SLC17A6: variants seen among roughly 807,000 people sequenced by gnomAD.
SLC17A6 encodes vesicular glutamate transporter 2.
SLC17A6 carries 35 observed loss-of-function variants against 67.1 expected under a neutral mutation model. The ratio of observed to expected loss-of-function variants is 0.52; its 90% CI spans 0.40 to 0.69. The LOEUF (loss-of-function observed/expected upper bound fraction) is 0.69, where lower values mean the gene tolerates loss of function less well. SLC17A6 is among the 30% of genes least tolerant of loss of function. SLC17A6 has a pLI of 0.00. For missense variants in SLC17A6, 588 were observed against 723.9 expected, an observed-to-expected ratio of 0.81 and a Z score of 2.15; for synonymous variants, 285 against 252.3, an observed-to-expected ratio of 1.13 and a Z score of -1.23.
At chr11:22,358,390 C>T (rs374642049) in intron 3 of SLC17A6, among the ~76,000 whole-genome samples, 1 of 152,168 alleles carries the variant, frequency 6.6e-6, no homozygotes, top group Non-Finnish European at 1.5e-5. Flanking sequence ...TGCAATGGTG[C>T]GATCTTGGTT....
At chr11:22,347,635 T>C (rs1340027935) in intron 3 of SLC17A6, among the ~76,000 whole-genome samples, 1 of 152,224 alleles carries the variant, frequency 6.6e-6, no homozygotes, top group African/African-American at 2.4e-5. Flanking sequence ...TGAGTCATAT[T>C]TCTACCTTTA....
chr11:22,358,475 A>G (rs939866725), intron 3 of SLC17A6, among the ~76,000 whole-genome samples: 5 of 151,990 alleles, frequency 3.3e-5, no homozygotes, highest in Non-Finnish European at 7.4e-5. Context: ...TTACAGGCGC[A>G]CACCACCACA....
intron 4 of SLC17A6, among the ~76,000 whole-genome samples, chr11:22,360,322 A>G (rs1388840812): frequency 6.6e-6 from 1 of 152,028 alleles, no homozygotes; most frequent in Admixed American, 6.6e-5. Flanking sequence ...ACTGCAGCCT[A>G]TTGGGGAAGG....
At chr11:22,365,716 C>A in intron 7 of SLC17A6, 27 bp downstream of exon 7, 1 of 1,599,038 alleles carries the variant, frequency 6.3e-7, no homozygotes, top group Non-Finnish European at 8.5e-7. Context: ...GGTGTATATT[C>A]CTATCTTATT....
chr11:22,343,393 G>A (rs2278750), intron 3 of SLC17A6, 28 bp downstream of exon 3: 7 of 1,571,576 alleles, frequency 4.5e-6, no homozygotes, highest in Non-Finnish European at 6.1e-6. Flanking sequence ...ACTGGGGCTC[G>A]GGGCGTGGTG....
intron 1 of SLC17A6, 75 bp downstream of exon 1, chr11:22,338,694 G>C: frequency 9.3e-7 from 1 of 1,080,278 alleles, no homozygotes; most frequent in Non-Finnish European, 1.4e-6. Context: ...GTAAACCCTG[G>C]TGGCTCAGAA....
chr11:22,369,845 A>AT (rs1455145333), intron 7 of SLC17A6, among the ~76,000 whole-genome samples, 194 bp from the exon 8 acceptor site: 2 of 151,746 alleles, frequency 1.3e-5, no homozygotes, highest in African/African-American at 2.4e-5. Flanking sequence ...TTGAGATCTT[A>AT]TTTTTTTTCT....
At position 22,377,438 on chromosome 11, in the gene SLC17A6, G is replaced by A; in HGVS notation, c.1447G>A (p.Ala483Thr). Residue 483 changes from alanine (A) to threonine (T), a missense_variant, in exon 12 of 12, where the codon GCT (alanine) becomes ACT (threonine). Transcript: ENST00000263160. ...AGAGTGGCAGTATGTCTTCCTGATC[G>A]CTGCCCTAGTCCACTATGGTGGAGT... ...REEWQYVFLI[A>T]ALVHYGGVIF... 2 of 1,611,558 alleles carry A rather than the reference G, an allele frequency of 1.2e-6. No homozygotes were observed. The highest frequency in any genetic ancestry group is 1.7e-6 in the Non-Finnish European group (2 of 1,177,964).
At chr11:22,355,169 G>A (rs959787994) in intron 3 of SLC17A6, among the ~76,000 whole-genome samples, 1 of 152,118 alleles carries the variant, frequency 6.6e-6, no homozygotes, top group African/African-American at 2.4e-5. Flanking sequence ...GTTACATAAG[G>A]TGCTCAAGGT....
At chr11:22,360,624 C>A (rs1242793647) in intron 4 of SLC17A6, among the ~76,000 whole-genome samples, 1 of 148,592 alleles carries the variant, frequency 6.7e-6, no homozygotes, top group Non-Finnish European at 1.5e-5. Context: ...GAAGTGTGAG[C>A]TCCAAGGATC....
intron 1 of SLC17A6, among the ~76,000 whole-genome samples, 193 bp downstream of exon 1, chr11:22,338,812 GGTGTGT>G (rs3047441): frequency 0.033 from 4,462 of 136,278 alleles, 92 homozygotes; most frequent in East Asian, 0.066. Flanking sequence ...GAACCTGTCT[GGTGTGT>G]GTGTGTGTGT....
At chr11:22,347,882 C>T (rs994293864) in intron 3 of SLC17A6, among the ~76,000 whole-genome samples, 26 of 152,286 alleles carry the variant, frequency 1.7e-4, no homozygotes, top group Admixed American at 1.5e-3. Flanking sequence ...TTATTTTCCC[C>T]TACCGTAATC....
chr11:22,371,706 A>G (rs917792464), intron 8 of SLC17A6, among the ~76,000 whole-genome samples: 2 of 151,962 alleles, frequency 1.3e-5, no homozygotes, highest in African/African-American at 4.8e-5. Flanking sequence ...AAGCAATGGT[A>G]TTTTGCAAAA....
At chr11:22,363,015 T>C (rs1022031171) in intron 6 of SLC17A6, among the ~76,000 whole-genome samples, 190 bp downstream of exon 6, 1 of 152,236 alleles carries the variant, frequency 6.6e-6, no homozygotes, top group African/African-American at 2.4e-5. Flanking sequence ...TTTCTTAGAT[T>C]GCTATTTCTT....
rs143304174 is a variant in SLC17A6 at position 22,377,563 on chromosome 11, C to A, written c.1572C>A (p.Leu524=). Residue 524 remains leucine (L), a synonymous_variant, in exon 12 of 12, where the codon CTC becomes CTA. Transcript: ENST00000263160. ...GTGGATTTATTCATGAAGATGAACTCGATGAAGAAACAGGGGACATTACTC... is the reference window on the plus strand; with the variant it reads ...GTGGATTTATTCATGAAGATGAACTAGATGAAGAAACAGGGGACATTACTC... ...EKCGFIHEDE[L]DEETGDITQN... is the part of the protein sequence containing the mutation. 4.7e-3 allele frequency: 7,512 copies of A among 1,614,000 alleles called. 25 individuals are homozygous for A. The highest frequency in any genetic ancestry group is 0.013 in the Middle Eastern group (80 of 6,062).
intron 1 of SLC17A6, among the ~76,000 whole-genome samples, chr11:22,340,312 T>C (rs1047541744): frequency 2.0e-5 from 3 of 152,248 alleles, no homozygotes; most frequent in African/African-American, 7.2e-5. Flanking sequence ...AGGGGCTACG[T>C]ACAGAGATGT....
intron 2 of SLC17A6, chr11:22,342,839 G>A: frequency 7.6e-6 from 3 of 392,838 alleles, no homozygotes; most frequent in South Asian, 5.6e-5. Flanking sequence ...CTCCAGGGTT[G>A]GAAGTCACTA....
At position 22,359,456 on chromosome 11, in the gene SLC17A6, C is replaced by A; in HGVS notation, c.502C>A (p.Leu168Ile). ...ACTTCTTACCTCTACCCTAAATATG[C>A]TAATTCCATCAGCAGCCAGAGTGCA... ...AILLTSTLNMLIPSAARVHYG... is the reference protein window; with the variant it reads ...AILLTSTLNMIIPSAARVHYG... The change falls in exon 4 of 12, where the codon CTA (leucine) becomes ATA (isoleucine). Residue 168 changes from leucine to isoleucine, a missense_variant. Coordinates refer to ENST00000263160, the MANE Select transcript of SLC17A6 (RefSeq NM_020346.3). The A allele has an allele frequency of 6.2e-7, 1 of 1,603,406 alleles. No individual in the cohort carries two copies. The highest frequency in any genetic ancestry group is 8.5e-7 in the Non-Finnish European group (1 of 1,174,446).
At chr11:22,342,567 G>T (rs995516992) in intron 2 of SLC17A6, among the ~76,000 whole-genome samples, 5 of 152,096 alleles carry the variant, frequency 3.3e-5, no homozygotes, top group African/African-American at 1.2e-4. Flanking sequence ...AGTTTACCTT[G>T]AGGTTCCCCT....
Sources: allele counts gnomAD v4.1 joint callset (sites outside exome capture counted in the v4.1 genomes callset), GRCh38; gene constraint gnomAD v4.1.1; transcripts MANE v1.5; gene names NCBI Gene and HGNC (gene_info 2026-07-23, HGNC 2026-07-21).